Variants in ADGRG6 observed in about 807,000 individuals in gnomAD.
ADGRG6 encodes G-protein coupled receptor 126.
Under a neutral mutation model 142.4 loss-of-function variants are expected in ADGRG6, and 84 were observed. That is an observed-to-expected ratio of 0.59 (90% CI 0.49 to 0.71). The LOEUF is 0.71. Among genes scored for constraint, ADGRG6 ranks in the 30% least tolerant of loss-of-function variants. ADGRG6 has a pLI of 0.00. For synonymous variants in ADGRG6, 521 were observed against 520.5 expected, an observed-to-expected ratio of 1.00 and a Z score of -0.01; for missense variants, 1,367 against 1,466.6, an observed-to-expected ratio of 0.93 and a Z score of 1.11.
At chr6:142,352,057 ATT>A (rs1562331117) in intron 2 of ADGRG6, among the ~76,000 whole-genome samples, 1 of 152,122 alleles carries the variant, frequency 6.6e-6, no homozygotes, top group South Asian at 2.1e-4. Flanking sequence ...CAGTGTGGAG[ATT>A]TTTTTAGCGA....
At chr6:142,340,153 AG>A (rs916247556) in intron 2 of ADGRG6, among the ~76,000 whole-genome samples, 8 of 152,164 alleles carry the variant, frequency 5.3e-5, no homozygotes, top group African/African-American at 1.9e-4. Flanking sequence ...ATCTGTGGAA[AG>A]GGGAACATTA....
intron 21 of ADGRG6, among the ~76,000 whole-genome samples, chr6:142,418,322 A>G (rs1776475954): frequency 6.9e-6 from 1 of 145,656 alleles, no homozygotes; most frequent in Non-Finnish European, 1.5e-5. Context: ...AAAAAAACCC[A>G]CTTACATCCA....
At chr6:142,415,221 G>T in intron 19 of ADGRG6, 125 bp downstream of exon 19, 1 of 514,054 alleles carries the variant, frequency 1.9e-6, no homozygotes, top group South Asian at 6.0e-5. Context: ...TCATGTTTCT[G>T]ATAAAATATA....
chr6:142,434,931 C>T (rs1162042534), intron 22 of ADGRG6, among the ~76,000 whole-genome samples: 1 of 151,904 alleles, frequency 6.6e-6, no homozygotes, highest in Non-Finnish European at 1.5e-5. Context: ...AACTAAGGGC[C>T]GCTTTGAATC....
At chr6:142,351,987 A>G (rs149274165) in intron 2 of ADGRG6, among the ~76,000 whole-genome samples, 1 of 152,320 alleles carries the variant, frequency 6.6e-6, no homozygotes, top group African/African-American at 2.4e-5. Context: ...GTTTGCAGAG[A>G]AAGGTGAACA....
intron 6 of ADGRG6, among the ~76,000 whole-genome samples, chr6:142,386,696 C>T (rs1290450230): frequency 6.6e-6 from 1 of 152,168 alleles, no homozygotes; most frequent in Non-Finnish European, 1.5e-5. Context: ...TTTTGTTTTA[C>T]AGTAATTTGT....
chr6:142,443,454 C>A lies in ADGRG6; in HGVS notation c.3692C>A (p.Ser1231Ter), dbSNP rs959575278. The A allele has an allele frequency of 5.6e-6, 9 of 1,611,166 alleles. No homozygotes were observed. The highest frequency in any genetic ancestry group is 7.6e-6 in the Non-Finnish European group (9 of 1,177,588). Reference protein sequence around the residue: ...DKVKGYCNAHSDNFYKNIIMS... With the variant: ...DKVKGYCNAH The stretch of plus-strand genomic sequence containing the variant: ...GTCAAGGGTTATTGCAATGCTCATT[C>A]AGACAACTTCTATAAAAATATTATC... Residue 1231 changes from serine (S) to a stop codon, truncating the protein, a stop_gained, in exon 25 of 25, where the codon TCA becomes TAA. Transcript: ENST00000367609. LOFTEE classifies it high-confidence loss of function.
intron 2 of ADGRG6, among the ~76,000 whole-genome samples, chr6:142,359,659 T>C (rs1780623178): frequency 6.6e-6 from 1 of 152,244 alleles, no homozygotes; most frequent in African/African-American, 2.4e-5. Flanking sequence ...AATCTACTTA[T>C]TTATCTGCAT....
In ADGRG6 at chr6:142,415,130, T is replaced by TA. The variant is rs1331807650; in HGVS notation, c.2669+36dup. ...ATTTTTAATCTGCCAAACCCATTGC[T>TA]AACTGTTCCAAATGTGAATAAGAAA... is the stretch of plus-strand genomic sequence containing the variant. On this transcript the variant is annotated intron_variant, in intron 19 of 24. Transcript: ENST00000367609. 4.4e-6 allele frequency: 7 copies of TA among 1,578,134 alleles called. No homozygotes were observed. In the East Asian group the frequency reaches 1.6e-4, roughly 36 times the overall value.
intron 2 of ADGRG6, among the ~76,000 whole-genome samples, chr6:142,341,148 T>G (rs1051963080): frequency 6.6e-6 from 1 of 151,400 alleles, no homozygotes; most frequent in African/African-American, 2.4e-5. Flanking sequence ...TTCAGAGTAA[T>G]GAATGATGTC....
intron 12 of ADGRG6, 39 bp from the exon 13 acceptor site, chr6:142,402,581 G>C (rs755757455): frequency 6.8e-6 from 7 of 1,029,202 alleles, no homozygotes; most frequent in South Asian, 1.4e-5. Context: ...TAAATATTCA[G>C]GTAAAACTTA....
In ADGRG6 at chr6:142,309,620, T is replaced by C. The variant is rs1453463322; in HGVS notation, c.79T>C (p.Tyr27His). The C allele has an allele frequency of 6.2e-7, 1 of 1,603,702 alleles. No individual in the cohort carries two copies. The highest frequency in any genetic ancestry group is 1.1e-5 in the South Asian group (1 of 89,344). Residue 27 changes from tyrosine to histidine, a missense_variant, in exon 2 of 25, where the codon TAT becomes CAT. Tyr to His is a moderately conservative substitution (Grantham distance 83). This residue lies in a region of ADGRG6 where 737 missense variants were observed against 746.5 expected (regional missense o/e 0.99). Transcript: ENST00000367609. ...PSPLLFLFAL[Y>H]IMCVPHSVWG... is the part of the protein sequence containing the mutation. The stretch of plus-strand genomic sequence containing the variant: ...TCCTCTCCTGTTCTTATTTGCTTTA[T>C]ATATCATGTGTGTTCCTCACTCAGG...
intron 3 of ADGRG6, 93 bp from the exon 4 acceptor site, chr6:142,370,077 A>T: frequency 9.6e-7 from 1 of 1,046,046 alleles, no homozygotes; most frequent in Non-Finnish European, 1.4e-6. Flanking sequence ...AAAGTTAACT[A>T]GTAGAAAGCG....
At chr6:142,337,265 A>C (rs1387101431) in intron 2 of ADGRG6, among the ~76,000 whole-genome samples, 1 of 152,226 alleles carries the variant, frequency 6.6e-6, no homozygotes, top group Non-Finnish European at 1.5e-5. Flanking sequence ...GCCTGCCATT[A>C]AGGGTGAACA....
At chr6:142,414,523 C>T (rs58758475) in intron 18 of ADGRG6, among the ~76,000 whole-genome samples, 2,231 of 152,280 alleles carry the variant, frequency 0.015, 46 homozygotes, top group African/African-American at 0.05. Flanking sequence ...GGCTGAGCTC[C>T]TTGCTACCTG....
At chr6:142,416,914 A>C (rs1169658260) in intron 20 of ADGRG6, among the ~76,000 whole-genome samples, 1 of 152,192 alleles carries the variant, frequency 6.6e-6, no homozygotes, top group Non-Finnish European at 1.5e-5. Context: ...TTGTCTGCCT[A>C]AACTCTGCCA....
chr6:142,425,861 G>T (rs1776914293), intron 22 of ADGRG6, among the ~76,000 whole-genome samples: 1 of 152,176 alleles, frequency 6.6e-6, no homozygotes, highest in Non-Finnish European at 1.5e-5. Context: ...GTAGGTGGCG[G>T]TAGGCAAAGA....
At chr6:142,412,604 T>G (rs763738372) in intron 18 of ADGRG6, among the ~76,000 whole-genome samples, 1 of 152,294 alleles carries the variant, frequency 6.6e-6, no homozygotes, top group Admixed American at 6.5e-5. Flanking sequence ...AGAAGACACC[T>G]TTTTAACTAT....
chr6:142,374,444 TA>T (rs751888570), intron 4 of ADGRG6, among the ~76,000 whole-genome samples: 157 of 152,376 alleles, frequency 1.0e-3, no homozygotes, highest in Non-Finnish European at 7.5e-4. Flanking sequence ...ATTTTTCTGG[TA>T]AACAGAATAC....
Sources: allele counts gnomAD v4.1 joint callset (sites outside exome capture counted in the v4.1 genomes callset), GRCh38; gene constraint gnomAD v4.1.1; regional missense constraint gnomAD v4.1.1; transcripts MANE v1.5; gene names NCBI Gene and HGNC (gene_info 2026-07-23, HGNC 2026-07-21).